Variants in CAGE1 observed in about 807,000 individuals in gnomAD.
The protein encoded by CAGE1 is cancer antigen 1.
CAGE1 carries 66 observed loss-of-function variants against 94.9 expected under a neutral mutation model. That is an observed-to-expected ratio of 0.70 (90% confidence interval 0.57 to 0.85). The LOEUF is 0.85. CAGE1 is among the 40% of genes least tolerant of loss of function. CAGE1 has a pLI of 0.00. For missense variants in CAGE1, 865 were observed against 950.4 expected, an observed-to-expected ratio of 0.91 and a Z score of 1.18; for synonymous variants, 319 against 321.0, an observed-to-expected ratio of 0.99 and a Z score of 0.07.
At chr6:7,374,719 G>A (rs939216758) in intron 4 of CAGE1, among the ~76,000 whole-genome samples, 1 of 152,124 alleles carries the variant, frequency 6.6e-6, no homozygotes, top group Non-Finnish European at 1.5e-5. Flanking sequence ...TGCCGATAGA[G>A]GTCTCGAGGA....
rs184251737 is a variant in CAGE1 at position 7,335,636 on chromosome 6, G to C, written c.2370-1546C>G. On this transcript the variant is annotated intron_variant, in intron 11 of 13. Transcript: ENST00000502583. ...ACCCTGTCATTCAGGCTGGAATATA[G>C]TGGTGCAATCACAGCTCACTGCAGC... Among the ~76,000 whole-genome samples, 22 of 152,356 alleles carry C rather than the reference G, an allele frequency of 1.4e-4. No homozygotes were observed. In the East Asian group the frequency reaches 3.9e-3, roughly 27 times the overall value.
chr6:7,376,288 G>T (rs1429027017), intron 4 of CAGE1, among the ~76,000 whole-genome samples: 1 of 151,954 alleles, frequency 6.6e-6, no homozygotes, highest in Non-Finnish European at 1.5e-5. Flanking sequence ...ACTGGGAAGG[G>T]TGAAGCAGGA....
intron 9 of CAGE1, 104 bp from the exon 10 acceptor site, chr6:7,356,233 A>G: frequency 1.5e-6 from 1 of 676,506 alleles, no homozygotes; most frequent in Non-Finnish European, 2.6e-6. Context: ...TTATTCCAAT[A>G]TTCTTCTAAA....
intron 4 of CAGE1, among the ~76,000 whole-genome samples, chr6:7,376,321 G>A (rs1483366033): frequency 4.6e-5 from 7 of 151,910 alleles, no homozygotes; most frequent in Admixed American, 6.6e-5. Context: ...CCCGGGAGGC[G>A]GAGGTTGCAG....
chr6:7,373,691 A>T lies in CAGE1; in HGVS notation c.1128T>A (p.Asn376Lys). 1 of 1,612,852 alleles carries T rather than the reference A, an allele frequency of 6.2e-7. No homozygotes were observed. Among genetic ancestry groups the T allele is most frequent in the Non-Finnish European group, 8.5e-7 (1 of 1,179,278 alleles). The change falls in exon 5 of 14, where the codon AAT becomes AAA. Residue 376 changes from asparagine (N) to lysine (K), a missense_variant. By Grantham distance (94) the Asn-to-Lys change is moderately conservative (BLOSUM62 0). Transcript: ENST00000502583. Reference sequence around the variant, plus strand: ...AATTCTGCAATGTCTTTTTAGTATCATTCTTCTCTAGGATTATTTTGTATT... The same window carrying T: ...AATTCTGCAATGTCTTTTTAGTATCTTTCTTCTCTAGGATTATTTTGTATT... ...EDKYKIILEK[N>K]DTKKTLQNLE... is the part of the protein sequence containing the mutation.
intron 1 of CAGE1, among the ~76,000 whole-genome samples, chr6:7,388,554 A>G (rs1319287945): frequency 6.6e-6 from 1 of 152,196 alleles, no homozygotes; most frequent in Non-Finnish European, 1.5e-5. Flanking sequence ...CTGCAAATGG[A>G]CCAGTGCTGT....
intron 4 of CAGE1, among the ~76,000 whole-genome samples, chr6:7,374,957 G>T (rs985812422): frequency 6.6e-6 from 1 of 152,078 alleles, no homozygotes; most frequent in African/African-American, 2.4e-5. Context: ...TCACTTGAAC[G>T]CAGGAGGTGG....
intron 11 of CAGE1, among the ~76,000 whole-genome samples, chr6:7,349,932 C>CAA (rs761682237): frequency 1.9e-4 from 15 of 77,684 alleles, no homozygotes; most frequent in African/African-American, 7.2e-4. Context: ...ACACTTGTCT[C>CAA]AAAAAAAAAA....
intron 7 of CAGE1, among the ~76,000 whole-genome samples, chr6:7,366,325 T>A (rs1273623918): frequency 6.6e-6 from 1 of 152,120 alleles, no homozygotes; most frequent in Non-Finnish European, 1.5e-5. Flanking sequence ...TTATAGCTCT[T>A]GTGAGGAAAA....
intron 11 of CAGE1, among the ~76,000 whole-genome samples, chr6:7,346,897 C>T (rs1222369083): frequency 6.6e-6 from 1 of 152,050 alleles, no homozygotes; most frequent in African/African-American, 2.4e-5. Flanking sequence ...TTCTAATAAG[C>T]AGCCACAGTT....
At chr6:7,366,051 G>A (rs1417833000) in intron 7 of CAGE1, among the ~76,000 whole-genome samples, 167 bp from the exon 8 acceptor site, 2 of 152,006 alleles carry the variant, frequency 1.3e-5, no homozygotes, top group Non-Finnish European at 2.9e-5. Flanking sequence ...TTCAAGACCA[G>A]CCTGATTAAT....
intron 13 of CAGE1, among the ~76,000 whole-genome samples, chr6:7,328,930 A>ATT (rs1189273237): frequency 2.6e-4 from 22 of 85,610 alleles, no homozygotes; most frequent in African/African-American, 7.6e-4. Context: ...ATATATATAT[A>ATT]TATATTTTTT....
chr6:7,353,972 G>C (rs1052172752), intron 11 of CAGE1, among the ~76,000 whole-genome samples: 1 of 151,904 alleles, frequency 6.6e-6, no homozygotes, highest in African/African-American at 2.4e-5. Context: ...AGGGATAAAA[G>C]ACTATAAATA....
intron 11 of CAGE1, among the ~76,000 whole-genome samples, chr6:7,349,207 A>G (rs1306601020): frequency 1.3e-5 from 2 of 152,206 alleles, no homozygotes; most frequent in African/African-American, 4.8e-5. Context: ...TTAATAGCAG[A>G]TTTCTCAGCA....
chr6:7,330,802 C>A (rs1026455920), intron 12 of CAGE1, among the ~76,000 whole-genome samples: 2 of 152,170 alleles, frequency 1.3e-5, no homozygotes, highest in Middle Eastern at 3.2e-3. Flanking sequence ...CCCATCTCAC[C>A]CCCTGGCTTC....
At position 7,326,835 on chromosome 6, in the gene CAGE1, T is replaced by G; in HGVS notation, c.*23A>C. The G allele has an allele frequency of 6.6e-7, 1 of 1,523,256 alleles. No homozygotes were observed. The highest frequency in any genetic ancestry group is 2.3e-5 in the East Asian group (1 of 44,388). 94.4% of individuals were successfully genotyped at this position (1,523,256 alleles called of 1,614,324 possible). ...TCCTGGAGTGGTTGACAAAAATGAT[T>G]ACTGTTTAATCTTCAGGCTTGTTTA... On this transcript the variant is annotated 3_prime_UTR_variant, in exon 14 of 14. Coordinates refer to ENST00000502583, the MANE Select transcript of CAGE1 (RefSeq NM_001170692.2).
intron 11 of CAGE1, among the ~76,000 whole-genome samples, chr6:7,348,389 A>C (rs1226335971): frequency 6.6e-6 from 1 of 152,212 alleles, no homozygotes; most frequent in Non-Finnish European, 1.5e-5. Context: ...CACCCCATCA[A>C]GGGAACACCC....
intron 1 of CAGE1, among the ~76,000 whole-genome samples, chr6:7,388,032 C>CAA (rs70978963): frequency 1.7e-4 from 11 of 64,926 alleles, no homozygotes; most frequent in African/African-American, 4.0e-4. Context: ...GACTCCATCT[C>CAA]AAAAAAAAAA....
Position 7,339,258 on chromosome 6 carries a change from G to T in CAGE1, c.2370-5168C>A. Reference sequence around the variant, plus strand: ...CCCTCCTAGGAGTTTGTAAGGCAGAGACTCTGCCTGGGCAATGGCACACAG... The same window carrying T: ...CCCTCCTAGGAGTTTGTAAGGCAGATACTCTGCCTGGGCAATGGCACACAG... On this transcript the variant is annotated intron_variant, in intron 11 of 13. Coordinates refer to ENST00000502583, the MANE Select transcript of CAGE1 (RefSeq NM_001170692.2). The surrounding 1 kb of genome is among the most constrained non-coding windows in gnomAD (Gnocchi z 4.7). 1 of 1,583,462 alleles carries T rather than the reference G, an allele frequency of 6.3e-7. No individual in the cohort carries two copies. The highest frequency in any genetic ancestry group is 8.7e-7 in the Non-Finnish European group (1 of 1,153,378).
Sources: gnomAD v4.1 joint callset for allele counts (sites outside exome capture counted in the v4.1 genomes callset) on GRCh38, gnomAD v4.1.1 for gene constraint, Gnocchi (gnomAD v3.1) non-coding constraint, MANE v1.5 for transcripts, NCBI Gene and HGNC (gene_info 2026-07-23, HGNC 2026-07-21) for gene names.